The following ERICH5 variants were observed in gnomAD, a reference collection of about 807,000 sequenced individuals.
ERICH5 encodes the protein glutamate rich 5, also known as glutamate-rich protein 5.
ERICH5 carries 24 observed loss-of-function variants against 28.0 expected under a neutral mutation model. That is an observed-to-expected ratio of 0.86 (90% CI 0.62 to 1.21). The LOEUF (loss-of-function observed/expected upper bound fraction) is 1.21, where lower values mean the gene tolerates loss of function less well. ERICH5 is among the 50% of genes most tolerant of loss of function. ERICH5 has a pLI of 0.00. For missense variants in ERICH5, 421 were observed against 441.2 expected (o/e 0.95, Z 0.41); for synonymous variants, 163 against 157.6 (o/e 1.03, Z -0.25).
chr8:98,092,305 G>T (rs1013555300), intron 2 of ERICH5, among the ~76,000 whole-genome samples: 7 of 152,000 alleles, frequency 4.6e-5, no homozygotes, highest in African/African-American at 1.7e-4. Context: ...CTCCTGAGTA[G>T]CTGGGCGCCA....
intron 1 of ERICH5, among the ~76,000 whole-genome samples, chr8:98,073,504 A>C (rs1426286674): frequency 0.08 from 333 of 4,168 alleles, 96 homozygotes; most frequent in African/African-American, 0.12. Context: ...ATATATATAT[A>C]TATATATATA....
chr8:98,075,802 T>TTTTTTTTTTTTTTG (rs1429269520), intron 1 of ERICH5, among the ~76,000 whole-genome samples: 3 of 148,132 alleles, frequency 2.0e-5, no homozygotes, highest in Non-Finnish European at 3.0e-5. Flanking sequence ...TTTTTTTTTT[T>TTTTTTTTTTTTTTG]TTGAGACAGG....
Position 98,091,820 on chromosome 8 carries a change from TTTTCTTTCTTTTTCTTTTTCTTTC to T in ERICH5, c.1013-1389_1013-1366del, listed in dbSNP as rs1563759335. On this transcript the variant is annotated intron_variant, in intron 2 of 2. Transcript: ENST00000318528. ...GATTTAGATACAAATTAGACTTTCT[TTTTCTTTCTTTTTCTTTTTCTTTC>T]TTTCTTTCTTTCTTTCTTTCTTTCT... Among the ~76,000 whole-genome samples, 55 of 150,798 alleles carry T rather than the reference TTTTCTTTCTTTTTCTTTTTCTTTC, an allele frequency of 3.6e-4. 1 individual carries two copies. The highest frequency in any genetic ancestry group is 7.3e-4 in the Admixed American group (11 of 15,108).
At chr8:98,084,375 G>T (rs537942241) in intron 1 of ERICH5, among the ~76,000 whole-genome samples, 1 of 151,838 alleles carries the variant, frequency 6.6e-6, no homozygotes, top group Non-Finnish European at 1.5e-5. Flanking sequence ...ATTCTGCAGC[G>T]GGAGTATTTT....
chr8:98,091,367 C>T (rs1381989762), intron 2 of ERICH5, among the ~76,000 whole-genome samples: 6 of 152,164 alleles, frequency 3.9e-5, no homozygotes, highest in South Asian at 2.1e-4. Flanking sequence ...GCAGGATGTG[C>T]GTGCATCACC....
chr8:98,089,370 C>G lies in ERICH5; in HGVS notation c.353C>G (p.Pro118Arg). The change falls in exon 2 of 3, where the codon CCA becomes CGA. Residue 118 changes from proline to arginine, a missense_variant. Transcript: ENST00000318528. ...CTGGAGGAATCTGGGCCGCCTCAAC[C>G]AGGTGGCAAAGAGGATGCCCCAGCA... ...EGLEESGPPQPGGKEDAPAAE... is the reference protein window; with the variant it reads ...EGLEESGPPQRGGKEDAPAAE... The G allele has an allele frequency of 6.2e-7, 1 of 1,614,248 alleles. No individual in the cohort carries two copies. Among genetic ancestry groups the G allele is most frequent in the Non-Finnish European group, 8.5e-7 (1 of 1,180,052 alleles).
Position 98,093,516 on chromosome 8 carries a change from T to G in ERICH5, c.*183T>G. On this transcript the variant is annotated 3_prime_UTR_variant, in exon 3 of 3. Transcript: ENST00000318528. Reference sequence around the variant, plus strand: ...TCTTGATTATATTGTTCTGCAAAACTGCTAAGCCATGAACAGTTTTCTTAG... The same window carrying G: ...TCTTGATTATATTGTTCTGCAAAACGGCTAAGCCATGAACAGTTTTCTTAG... 2 of 452,092 alleles carry G rather than the reference T, an allele frequency of 4.4e-6. No homozygotes were observed. Among genetic ancestry groups the G allele is most frequent in the Non-Finnish European group, 7.8e-6 (2 of 255,084 alleles). 28.0% of individuals were successfully genotyped at this position (452,092 alleles called of 1,614,324 possible).
chr8:98,091,971 CTT>C, intron 2 of ERICH5, among the ~76,000 whole-genome samples: 2 of 112,902 alleles, frequency 1.8e-5, no homozygotes, highest in African/African-American at 7.1e-5. Context: ...TTTTTTCTTT[CTT>C]TTTCTTCTCT....
At chr8:98,075,675 C>G (rs550256517) in intron 1 of ERICH5, among the ~76,000 whole-genome samples, 1 of 151,112 alleles carries the variant, frequency 6.6e-6, no homozygotes, top group African/African-American at 2.5e-5. Context: ...AGCCCCCACG[C>G]TTGAGGCCCA....
chr8:98,086,095 G>T (rs865794598), intron 1 of ERICH5, among the ~76,000 whole-genome samples: 5 of 152,078 alleles, frequency 3.3e-5, no homozygotes, highest in Non-Finnish European at 7.4e-5. Flanking sequence ...GTAGATTGAA[G>T]ATATGGATCT....
intron 1 of ERICH5, among the ~76,000 whole-genome samples, chr8:98,073,966 G>A (rs1393275451): frequency 6.8e-6 from 1 of 147,372 alleles, no homozygotes; most frequent in African/African-American, 2.5e-5. Context: ...CACCCAGGCT[G>A]GAATGCAGTG....
Position 98,089,154 on chromosome 8 carries a change from G to A in ERICH5, c.137G>A (p.Arg46Lys). ...CAACCAAAGCCACATGCACTGGGAA[G>A]AGAATCTACTGTTGATGGCAATGTA... ...FAQPKPHALG[R>K]ESTVDGNVQR... is the part of the protein sequence containing the mutation. Residue 46 changes from arginine to lysine, a missense_variant, in exon 2 of 3, where the codon AGA (arginine) becomes AAA (lysine). Physicochemically the swap from Arg to Lys is conservative, Grantham distance 26. Coordinates refer to ENST00000318528, the MANE Select transcript of ERICH5 (RefSeq NM_173549.3). 6.2e-7 allele frequency: 1 copy of A among 1,614,228 alleles called. No individual in the cohort carries two copies. Among genetic ancestry groups the A allele is most frequent in the South Asian group, 1.1e-5 (1 of 91,082 alleles).
intron 1 of ERICH5, among the ~76,000 whole-genome samples, chr8:98,084,378 A>C (rs968856845): frequency 1.3e-5 from 2 of 151,488 alleles, no homozygotes; most frequent in Non-Finnish European, 2.9e-5. Context: ...CTGCAGCGGG[A>C]GTATTTTGTT....
chr8:98,073,222 T>C (rs1814952652), intron 1 of ERICH5, among the ~76,000 whole-genome samples: 1 of 151,404 alleles, frequency 6.6e-6, no homozygotes, highest in Non-Finnish European at 1.5e-5. Flanking sequence ...CAAAATAGGA[T>C]CAACAATAGT....
intron 1 of ERICH5, among the ~76,000 whole-genome samples, chr8:98,070,048 AC>A (rs1814883574): frequency 6.6e-6 from 1 of 152,166 alleles, no homozygotes; most frequent in Non-Finnish European, 1.5e-5. Context: ...CAGATAAGTC[AC>A]TTGCCCTGGT....
intron 1 of ERICH5, among the ~76,000 whole-genome samples, chr8:98,080,805 C>T (rs1053080829): frequency 6.6e-6 from 1 of 150,600 alleles, no homozygotes; most frequent in African/African-American, 2.4e-5. Flanking sequence ...CAGGTTTAGG[C>T]AATTCTCCAG....
chr8:98,090,222 C>G (rs542128963), intron 2 of ERICH5, among the ~76,000 whole-genome samples, 193 bp downstream of exon 2: 1 of 152,262 alleles, frequency 6.6e-6, no homozygotes, highest in South Asian at 2.1e-4. Context: ...GTCAGCAAAA[C>G]TTTTCCGAAA....
intron 2 of ERICH5, among the ~76,000 whole-genome samples, chr8:98,091,900 C>CTTTCTTTCCTTTCTTTCTTTCTTTCTTT: frequency 1.3e-5 from 1 of 74,704 alleles, no homozygotes. Flanking sequence ...TTCTTTCTTT[C>CTTTCTTTCCTTTCTTTCTTTCTTTCTTT]CTTTCTTTCT....
intron 1 of ERICH5, among the ~76,000 whole-genome samples, chr8:98,088,010 C>G (rs1201521982): frequency 2.6e-5 from 4 of 151,744 alleles, no homozygotes; most frequent in Non-Finnish European, 1.5e-5. Flanking sequence ...TCACTTGAGC[C>G]CAGGAGTTCA....
Sources: gnomAD v4.1 joint callset for allele counts (sites outside exome capture counted in the v4.1 genomes callset) on GRCh38, gnomAD v4.1.1 for gene constraint, MANE v1.5 for transcripts, NCBI Gene and HGNC (gene_info 2026-07-23, HGNC 2026-07-21) for gene names.